Variants in UPP2 observed in about 807,000 individuals in gnomAD.
UPP2 encodes UPase 2.
A neutral mutation model predicts 26.7 loss-of-function variants in UPP2; 23 were observed. That is an observed-to-expected ratio of 0.86 (90% CI 0.62 to 1.22). The LOEUF is 1.22. Ranked by LOEUF, UPP2 falls within the 50% of genes most tolerant of loss-of-function variation. The pLI, the probability that UPP2 is intolerant of heterozygous loss-of-function variation, is 0.00. For synonymous variants in UPP2, 127 were observed against 141.3 expected (o/e 0.90, Z 0.72); for missense variants, 387 against 396.7 (o/e 0.98, Z 0.21).
intron 3 of UPP2, among the ~76,000 whole-genome samples, chr2:158,068,804 T>G (rs13415506): frequency 1.4e-4 from 2 of 14,616 alleles, no homozygotes; most frequent in African/African-American, 5.3e-4. Flanking sequence ...ATATATATAT[T>G]TTTTTTTTTT....
intron 6 of UPP2, among the ~76,000 whole-genome samples, chr2:158,127,153 C>T (rs947540507): frequency 1.3e-5 from 2 of 152,176 alleles, no homozygotes; most frequent in South Asian, 2.1e-4. Context: ...GTTAGTATTA[C>T]ACATCTCACC....
At chr2:158,028,133 G>A (rs566255341) in intron 3 of UPP2, among the ~76,000 whole-genome samples, 20 of 152,312 alleles carry the variant, frequency 1.3e-4, no homozygotes, top group South Asian at 8.3e-4. Context: ...GCAAATTTCT[G>A]CAGCTTGCTT....
chr2:158,038,979 G>A (rs2105162250), intron 3 of UPP2, among the ~76,000 whole-genome samples: 1 of 152,290 alleles, frequency 6.6e-6, no homozygotes, highest in South Asian at 2.1e-4. Flanking sequence ...CCGCACTGAG[G>A]AGATCTAATC....
intron 3 of UPP2, among the ~76,000 whole-genome samples, chr2:158,089,091 A>G (rs1682864281): frequency 6.6e-6 from 1 of 152,092 alleles, no homozygotes; most frequent in Non-Finnish European, 1.5e-5. Flanking sequence ...CGGGTAGAGA[A>G]AGACCATCAG....
chr2:158,123,263 G>T (rs1188663132), intron 5 of UPP2, among the ~76,000 whole-genome samples: 4 of 152,158 alleles, frequency 2.6e-5, no homozygotes, highest in Non-Finnish European at 5.9e-5. Context: ...TGCGGAAAGG[G>T]GGAAGGTGGA....
rs553194705 is a variant in UPP2 at position 158,011,917 on chromosome 2, G to A, written c.62-3884G>A. On this transcript the variant is annotated intron_variant, in intron 2 of 9. Transcript: ENST00000605860. ...TTCCTGGAGCTGAAGAAACCACAAGGTTCCTTTCCTTCTAAAATTCTGGGT... is the reference window on the plus strand; with the variant it reads ...TTCCTGGAGCTGAAGAAACCACAAGATTCCTTTCCTTCTAAAATTCTGGGT... Among the ~76,000 whole-genome samples, 148 of 152,262 alleles carry A rather than the reference G, an allele frequency of 9.7e-4. 1 individual carries two copies. The highest frequency in any genetic ancestry group is 3.4e-3 in the African/African-American group (142 of 41,534).
At chr2:158,059,967 T>C (rs981300056) in intron 3 of UPP2, among the ~76,000 whole-genome samples, 1 of 152,144 alleles carries the variant, frequency 6.6e-6, no homozygotes, top group Non-Finnish European at 1.5e-5. Context: ...GCTTAGTTGG[T>C]TAAAGAAGTC....
chr2:158,079,951 A>G (rs1280078541), intron 3 of UPP2, among the ~76,000 whole-genome samples: 1 of 152,120 alleles, frequency 6.6e-6, no homozygotes, highest in Non-Finnish European at 1.5e-5. Flanking sequence ...CGTAATCATC[A>G]TCTGTGTTTG....
At chr2:158,021,250 A>C (rs886613558) in intron 3 of UPP2, among the ~76,000 whole-genome samples, 3 of 152,234 alleles carry the variant, frequency 2.0e-5, no homozygotes, top group African/African-American at 7.2e-5. Context: ...AAGAACCCTA[A>C]TTTTTAAAAG....
chr2:158,046,834 T>C (rs1008281884), intron 3 of UPP2, among the ~76,000 whole-genome samples: 8 of 152,208 alleles, frequency 5.3e-5, no homozygotes, highest in African/African-American at 1.4e-4. Flanking sequence ...CTTTTCCTTA[T>C]ATAGGGAACC....
At chr2:158,088,264 C>A (rs1215824504) in intron 3 of UPP2, among the ~76,000 whole-genome samples, 1 of 152,068 alleles carries the variant, frequency 6.6e-6, no homozygotes, top group Non-Finnish European at 1.5e-5. Context: ...ATTCTACTTA[C>A]TTGATTCTAT....
intron 6 of UPP2, among the ~76,000 whole-genome samples, chr2:158,128,288 G>A (rs887298505): frequency 2.0e-5 from 3 of 152,134 alleles, no homozygotes; most frequent in Non-Finnish European, 4.4e-5. Flanking sequence ...TCAATGAGAG[G>A]GAGCAGAATC....
chr2:158,108,033 G>C (rs778834837), intron 2 of UPP2, among the ~76,000 whole-genome samples: 3 of 152,170 alleles, frequency 2.0e-5, no homozygotes, highest in African/African-American at 4.8e-5. Context: ...CAGGACCCTT[G>C]TCTAGGGATG....
At position 158,115,135 on chromosome 2, in the gene UPP2, A is replaced by C. The variant is rs1424310678; in HGVS notation, c.215A>C (p.Lys72Thr). Residue 72 changes from lysine (K) to threonine (T), a missense_variant, in exon 3 of 7, where the codon AAA (lysine) becomes ACA (threonine). Transcript: ENST00000005756. ...GTCGGTGGGAGCCCCAACAGAATGA[A>C]AGCATTTGCACTGTTTATGCACAAG... ...VCVGGSPNRM[K>T]AFALFMHKEL... The C allele has an allele frequency of 6.2e-7, 1 of 1,611,206 alleles. No homozygotes were observed. Among genetic ancestry groups the C allele is most frequent in the East Asian group, 2.2e-5 (1 of 44,846 alleles).
intron 3 of UPP2, among the ~76,000 whole-genome samples, chr2:158,030,247 G>C (rs924885763): frequency 1.3e-5 from 2 of 152,018 alleles, no homozygotes; most frequent in Admixed American, 1.3e-4. Flanking sequence ...ACATGAGGGT[G>C]GCAAGAAATT....
chr2:158,100,570 A>AGT (rs777315292), upstream of UPP2, among the ~76,000 whole-genome samples: 77 of 152,342 alleles, frequency 5.1e-4, no homozygotes, highest in Middle Eastern at 6.8e-3. Context: ...CAAAATTGCC[A>AGT]GTGGTTCCTG....
intron 3 of UPP2, among the ~76,000 whole-genome samples, chr2:158,059,506 C>T (rs76073832): frequency 0.011 from 1,708 of 152,326 alleles, 30 homozygotes; most frequent in Middle Eastern, 0.037. Flanking sequence ...CACATTTTAA[C>T]ATAAGTCATA....
Position 157,995,629 on chromosome 2 carries a change from A to T in UPP2, c.61+370A>T, listed in dbSNP as rs538571275. 2.8e-3 allele frequency among the ~76,000 whole-genome samples: 429 copies of T among 152,100 alleles called. 3 individuals are homozygous for T. The highest frequency in any genetic ancestry group is 9.6e-3 in the African/African-American group (398 of 41,534). ...CGATCCCTTTAATACATAATTTTTAAAAAAAAATAGAAAAAAATTGAAAAT... is the reference window on the plus strand; with the variant it reads ...CGATCCCTTTAATACATAATTTTTATAAAAAAATAGAAAAAAATTGAAAAT... On this transcript the variant is annotated intron_variant, in intron 2 of 9. Transcript: ENST00000605860.
chr2:158,038,991 A>G (rs1201830281), intron 3 of UPP2, among the ~76,000 whole-genome samples: 9 of 152,212 alleles, frequency 5.9e-5, no homozygotes, highest in African/African-American at 2.4e-5. Flanking sequence ...GATCTAATCC[A>G]CTTTGGCTGG....
Sources: allele counts gnomAD v4.1 joint callset (sites outside exome capture counted in the v4.1 genomes callset), GRCh38; gene constraint gnomAD v4.1.1; transcripts MANE v1.5; gene names NCBI Gene and HGNC (gene_info 2026-07-23, HGNC 2026-07-21).